Variants in NOTCH2NLC observed in about 807,000 individuals in gnomAD.
NOTCH2NLC encodes the protein notch homolog 2 N-terminal-like protein C.
Under a neutral mutation model 17.7 loss-of-function variants are expected in NOTCH2NLC, and 4 were observed. That is an observed-to-expected ratio of 0.23 (90% CI 0.11 to 0.52). The LOEUF is 0.52. Ranked by LOEUF, NOTCH2NLC falls within the 20% of genes least tolerant of loss-of-function variation. The pLI is 0.96. For synonymous variants in NOTCH2NLC, 18 were observed against 86.0 expected (o/e 0.21, Z 4.38); for missense variants, 57 against 207.2 (o/e 0.28, Z 4.45).
intron 1 of NOTCH2NLC, among the ~76,000 whole-genome samples, chr1:149,429,813 G>A (rs1209462937): frequency 7.4e-5 from 11 of 148,804 alleles, no homozygotes; most frequent in African/African-American, 2.5e-4. Flanking sequence ...AGTGGTGTGG[G>A]TAGAGGAAAC....
rs1210210266 is a variant in NOTCH2NLC at position 149,390,668 on chromosome 1, C to G, written c.-120C>G. On this transcript the variant is annotated 5_prime_UTR_variant, in exon 1 of 5. Coordinates refer to ENST00000650865, the MANE Select transcript of NOTCH2NLC (RefSeq NM_001364013.2). ...GGCGGCGGCCGAGGAGCGGCGGACT[C>G]GGGGCGCGGGGAGTCGAGGCATTTG... 6.6e-6 allele frequency: 8 copies of G among 1,218,498 alleles called. No homozygotes were observed. Among genetic ancestry groups the G allele is most frequent in the African/African-American group, 4.9e-5 (3 of 60,898 alleles). 75.5% of individuals were successfully genotyped at this position (1,218,498 alleles called of 1,614,324 possible).
chr1:149,420,284 G>T (rs2101479820), intron 1 of NOTCH2NLC, among the ~76,000 whole-genome samples: 1 of 142,174 alleles, frequency 7.0e-6, no homozygotes, highest in African/African-American at 2.6e-5. Context: ...TGTGTTCTCT[G>T]GAAATGGCAA....
At chr1:149,416,679 C>T (rs2101476262) in intron 1 of NOTCH2NLC, among the ~76,000 whole-genome samples, 1 of 144,320 alleles carries the variant, frequency 6.9e-6, no homozygotes, top group Non-Finnish European at 1.5e-5. Flanking sequence ...GGTATCTTGT[C>T]AGTGTCAATT....
At chr1:149,429,840 C>A (rs1385858597) in intron 1 of NOTCH2NLC, among the ~76,000 whole-genome samples, 1 of 149,986 alleles carries the variant, frequency 6.7e-6, no homozygotes, top group East Asian at 2.0e-4. Context: ...GGGGGAACTT[C>A]TCAGTTTTGC....
intron 1 of NOTCH2NLC, among the ~76,000 whole-genome samples, chr1:149,422,970 AT>A (rs1237507979): frequency 4.8e-5 from 7 of 144,574 alleles, no homozygotes; most frequent in Non-Finnish European, 7.7e-5. Context: ...AACTGGAATG[AT>A]TTTTTTATAG....
chr1:149,450,129 G>T (rs1236039351), intron 2 of NOTCH2NLC, among the ~76,000 whole-genome samples: 1 of 145,370 alleles, frequency 6.9e-6, no homozygotes, highest in Admixed American at 6.9e-5. Flanking sequence ...GTTATCTCGG[G>T]TATATACCTA....
intron 1 of NOTCH2NLC, among the ~76,000 whole-genome samples, chr1:149,424,919 G>A (rs1389156116): frequency 6.6e-6 from 1 of 151,202 alleles, no homozygotes; most frequent in Non-Finnish European, 1.5e-5. Context: ...CTGTGGGTGG[G>A]CACCAAGTTA....
intron 1 of NOTCH2NLC, among the ~76,000 whole-genome samples, chr1:149,393,694 G>A (rs1475217608): frequency 7.0e-6 from 1 of 143,864 alleles, no homozygotes; most frequent in East Asian, 2.3e-4. Context: ...TTTTCTTTCA[G>A]ATGGTGATGA....
chr1:149,470,439 A>G lies in NOTCH2NLC; in HGVS notation c.*6286A>G, dbSNP rs1356110133. Among the ~76,000 whole-genome samples the G allele has an allele frequency of 2.0e-5, 3 of 149,778 alleles. No homozygotes were observed. Among genetic ancestry groups the G allele is most frequent in the African/African-American group, 4.9e-5 (2 of 40,824 alleles). On this transcript the variant is annotated 3_prime_UTR_variant, in exon 5 of 5. Coordinates refer to ENST00000650865, the MANE Select transcript of NOTCH2NLC (RefSeq NM_001364013.2). ...AGTCAATTCTAGAATATTTTTATAC[A>G]TCAGAAGAAACCCTTTACCCATTAT...
At chr1:149,441,048 C>CGGTA (rs2084516474) in intron 2 of NOTCH2NLC, among the ~76,000 whole-genome samples, 1 of 150,342 alleles carries the variant, frequency 6.7e-6, no homozygotes, top group Non-Finnish European at 1.5e-5. Flanking sequence ...GACAGAGAGG[C>CGGTA]GGTAGGCTTG....
chr1:149,428,924 C>A (rs1424189027), intron 1 of NOTCH2NLC, among the ~76,000 whole-genome samples: 2 of 148,132 alleles, frequency 1.4e-5, no homozygotes, highest in African/African-American at 4.9e-5. Flanking sequence ...ATAGAAAAAA[C>A]CCCGGAAGTT....
chr1:149,454,714 T>C (rs1465619277), intron 2 of NOTCH2NLC, among the ~76,000 whole-genome samples: 96 of 151,214 alleles, frequency 6.3e-4, no homozygotes, highest in East Asian at 3.9e-3. Flanking sequence ...TCCCTTTTTC[T>C]GTTGTAATGT....
At position 149,417,211 on chromosome 1, in the gene NOTCH2NLC, G is replaced by A. The variant is rs1386734100; in HGVS notation, c.136-13731G>A. Among the ~76,000 whole-genome samples the A allele has an allele frequency of 7.8e-3, 1,047 of 134,538 alleles. 37 individuals are homozygous for A. Among genetic ancestry groups the A allele is most frequent in the Non-Finnish European group, 0.013 (842 of 64,202 alleles). 88.3% of individuals were successfully genotyped at this position (134,538 alleles called of 152,430 possible). ...TGCAAGCTCCGCCTCCCGGGTTCAC[G>A]CCATTCTCCTGCCTCAGCCTCCCAA... On this transcript the variant is annotated intron_variant, in intron 1 of 4. Coordinates refer to ENST00000650865, the MANE Select transcript of NOTCH2NLC (RefSeq NM_001364013.2).
At chr1:149,395,592 A>G (rs1399914785) in intron 1 of NOTCH2NLC, among the ~76,000 whole-genome samples, 1 of 149,634 alleles carries the variant, frequency 6.7e-6, no homozygotes, top group African/African-American at 2.5e-5. Context: ...GTATTACTGT[A>G]TTACTAGGCC....
intron 1 of NOTCH2NLC, among the ~76,000 whole-genome samples, chr1:149,420,089 G>C (rs1475597951): frequency 4.0e-5 from 6 of 149,378 alleles, no homozygotes; most frequent in Admixed American, 2.0e-4. Flanking sequence ...CCAGGATGGT[G>C]TCGATCTCCT....
intron 1 of NOTCH2NLC, among the ~76,000 whole-genome samples, chr1:149,429,256 C>T (rs1429921580): frequency 6.6e-6 from 1 of 150,758 alleles, no homozygotes; most frequent in African/African-American, 2.4e-5. Flanking sequence ...TGCGATGCCC[C>T]ATAAAGAGGC....
intron 2 of NOTCH2NLC, among the ~76,000 whole-genome samples, chr1:149,436,646 G>A (rs2084483956): frequency 6.8e-6 from 1 of 146,430 alleles, no homozygotes; most frequent in Admixed American, 6.8e-5. Flanking sequence ...ATTCAGGGAG[G>A]CACAGGGGCA....
intron 1 of NOTCH2NLC, among the ~76,000 whole-genome samples, chr1:149,424,424 A>C (rs1208714669): frequency 1.3e-5 from 2 of 150,318 alleles, no homozygotes; most frequent in East Asian, 3.9e-4. Context: ...CCTACTCCCA[A>C]CTTCTCATTA....
rs1189331761 is a variant in NOTCH2NLC at position 149,402,376 on chromosome 1, G to A, written c.135+11454G>A. 4.7e-5 allele frequency among the ~76,000 whole-genome samples: 7 copies of A among 149,342 alleles called. 1 individual carries two copies. The highest frequency in any genetic ancestry group is 7.5e-5 in the Non-Finnish European group (5 of 66,842). On this transcript the variant is annotated intron_variant, in intron 1 of 4. Coordinates refer to ENST00000650865, the MANE Select transcript of NOTCH2NLC (RefSeq NM_001364013.2). ...GATTACAGGTGAGCCACCGTGCCTG[G>A]TCCTTGCAGCTTGATTTTTTAAACA...
Sources: gnomAD v4.1 joint callset for allele counts (sites outside exome capture counted in the v4.1 genomes callset) on GRCh38, gnomAD v4.1.1 for gene constraint, MANE v1.5 for transcripts, NCBI Gene and HGNC (gene_info 2026-07-23, HGNC 2026-07-21) for gene names.